Variants in CD109 observed in about 807,000 individuals in gnomAD.
The protein encoded by CD109 is CD109 antigen.
A neutral mutation model predicts 165.8 loss-of-function variants in CD109; 149 were observed. The ratio of observed to expected loss-of-function variants is 0.90; its 90% CI spans 0.79 to 1.03. The LOEUF is 1.03. CD109 is among the 50% of genes least tolerant of loss of function. The pLI is 0.00. For synonymous variants in CD109, 585 were observed against 592.1 expected, an observed-to-expected ratio of 0.99 and a Z score of 0.18; for missense variants, 1,712 against 1,677.8, an observed-to-expected ratio of 1.02 and a Z score of -0.36.
intron 5 of CD109, among the ~76,000 whole-genome samples, chr6:73,752,548 T>G (rs905116281): frequency 5.3e-5 from 8 of 152,210 alleles, no homozygotes; most frequent in Non-Finnish European, 7.3e-5. Flanking sequence ...GACTCTTATT[T>G]TCTACTTCTG....
chr6:73,777,258 C>T (rs528737152), intron 15 of CD109, among the ~76,000 whole-genome samples: 1 of 148,398 alleles, frequency 6.7e-6, no homozygotes, highest in African/African-American at 2.5e-5. Context: ...CTGTGCCTGG[C>T]CCCTTTGCTG....
At chr6:73,806,731 C>T in intron 24 of CD109, 113 bp from the exon 25 acceptor site, 1 of 685,228 alleles carries the variant, frequency 1.5e-6, no homozygotes, top group Non-Finnish European at 2.4e-6. Context: ...CAGTGATTCC[C>T]CCTTTGATGA....
intron 2 of CD109, among the ~76,000 whole-genome samples, chr6:73,704,982 C>T (rs1422543314): frequency 6.6e-6 from 1 of 152,162 alleles, no homozygotes; most frequent in Non-Finnish European, 1.5e-5. Flanking sequence ...AATGTCCCAC[C>T]TCTGCTGACA....
intron 2 of CD109, 138 bp from the exon 3 acceptor site, chr6:73,723,113 A>G: frequency 6.5e-7 from 1 of 1,543,188 alleles, no homozygotes. Context: ...GGGCATTTAA[A>G]TGTCATTTTG....
In CD109 at chr6:73,700,470, A is replaced by G. The variant is rs535784005; in HGVS notation, c.247+2898A>G. On this transcript the variant is annotated intron_variant, in intron 2 of 32. Coordinates refer to ENST00000287097, the MANE Select transcript of CD109 (RefSeq NM_133493.5). Reference sequence around the variant, plus strand: ...CTAGTAAAGTTGGGTAAGGCAGTAGACTGTGTCTTAGTAGCTTATTTCCAG... The same window carrying G: ...CTAGTAAAGTTGGGTAAGGCAGTAGGCTGTGTCTTAGTAGCTTATTTCCAG... Among the ~76,000 whole-genome samples the G allele has an allele frequency of 1.5e-3, 232 of 152,238 alleles. 1 individual carries two copies. Among genetic ancestry groups the G allele is most frequent in the African/African-American group, 5.1e-3 (211 of 41,530 alleles).
chr6:73,783,492 T>A (rs1057066993), intron 18 of CD109, among the ~76,000 whole-genome samples: 1 of 152,250 alleles, frequency 6.6e-6, no homozygotes, highest in Non-Finnish European at 1.5e-5. Flanking sequence ...AGAATATGGA[T>A]CAATATGCAG....
intron 6 of CD109, among the ~76,000 whole-genome samples, chr6:73,758,703 G>A (rs942173163): frequency 2.0e-5 from 3 of 152,094 alleles, no homozygotes; most frequent in African/African-American, 7.2e-5. Context: ...ATTATATAAA[G>A]CTGACCAAAT....
chr6:73,779,592 T>A lies in CD109; in HGVS notation c.1828-832T>A, dbSNP rs190702313. 3.3e-4 allele frequency among the ~76,000 whole-genome samples: 51 copies of A among 152,256 alleles called. No homozygotes were observed. In the East Asian group the frequency reaches 8.3e-3, roughly 25 times the overall value. ...TACGGCTGAATAATATTGTGTTGTG[T>A]ATATATACCACATTTTGTTTATCCA... is the stretch of plus-strand genomic sequence containing the variant. On this transcript the variant is annotated intron_variant, in intron 15 of 32. Coordinates refer to ENST00000287097, the MANE Select transcript of CD109 (RefSeq NM_133493.5).
intron 4 of CD109, among the ~76,000 whole-genome samples, chr6:73,731,747 C>T (rs1772377293): frequency 6.6e-6 from 1 of 152,152 alleles, no homozygotes; most frequent in Non-Finnish European, 1.5e-5. Context: ...ATTTATTAAC[C>T]TTCTAGAACC....
the CD109 span, among the ~76,000 whole-genome samples, chr6:73,690,505 G>A: frequency 2.8e-4 from 43 of 152,082 alleles, 1 homozygote; most frequent in Non-Finnish European, 2.9e-5. Flanking sequence ...AGGTTCAAGA[G>A]ATTCTCCTGC....
intron 1 of CD109, 130 bp downstream of exon 1, chr6:73,696,419 T>A (rs2150141365): frequency 1.4e-6 from 1 of 698,544 alleles, no homozygotes; most frequent in Admixed American, 4.3e-5. Flanking sequence ...GCGGCTGCAG[T>A]CCCCAGCCTG....
At chr6:73,752,414 A>C (rs925909817) in intron 5 of CD109, among the ~76,000 whole-genome samples, 6 of 152,190 alleles carry the variant, frequency 3.9e-5, no homozygotes, top group Non-Finnish European at 5.9e-5. Flanking sequence ...AAGGGTGGTA[A>C]AAATAATGTG....
chr6:73,745,267 G>C (rs979708411), intron 5 of CD109, among the ~76,000 whole-genome samples: 1 of 151,982 alleles, frequency 6.6e-6, no homozygotes, highest in Non-Finnish European at 1.5e-5. Context: ...CATGGGCCTG[G>C]CTAATTTTTG....
Position 73,758,932 on chromosome 6 carries a change from T to C in CD109, c.674-12T>C. On this transcript the variant is annotated splice_polypyrimidine_tract_variant and intron_variant, in intron 6 of 32. Coordinates refer to ENST00000287097, the MANE Select transcript of CD109 (RefSeq NM_133493.5). The stretch of plus-strand genomic sequence containing the variant: ...AAAGAAAAAAAGATTTACCCTTGCT[T>C]TTCTTTTCCAGTATTACCAAAATTT... The C allele has an allele frequency of 6.7e-7, 1 of 1,490,270 alleles. No homozygotes were observed. 92.3% of individuals were successfully genotyped at this position (1,490,270 alleles called of 1,614,324 possible). A position where few individuals can be genotyped will look rare whatever the true frequency, so the allele number is the denominator to read the frequency against.
In CD109 at chr6:73,696,299, TGGGCGCGCGGG is replaced by T. The variant is rs1247449761; in HGVS notation, c.74+22_74+32del. On this transcript the variant is annotated intron_variant, in intron 1 of 32. Coordinates refer to ENST00000287097, the MANE Select transcript of CD109 (RefSeq NM_133493.5). ...TGGCCGTGGCTCCCGGGTAGGAACG[TGGGCGCGCGGG>T]GGGCGCGCGGGCGCGCGGGCCTGGG... 4.9e-5 allele frequency: 74 copies of T among 1,496,344 alleles called. No homozygotes were observed. The highest frequency in any genetic ancestry group is 2.1e-4 in the Middle Eastern group (1 of 4,784). The allele number at this position is 1,496,344 out of a possible 1,614,324, so 92.7% of individuals were successfully genotyped here.
chr6:73,710,230 C>T (rs368309062), intron 2 of CD109, among the ~76,000 whole-genome samples: 1 of 152,148 alleles, frequency 6.6e-6, no homozygotes, highest in East Asian at 1.9e-4. Flanking sequence ...AGCTGATAAG[C>T]AACTTCAGCA....
chr6:73,734,776 AC>A (rs1772485038), intron 4 of CD109, among the ~76,000 whole-genome samples: 1 of 152,216 alleles, frequency 6.6e-6, no homozygotes, highest in Admixed American at 6.5e-5. Context: ...GGCCCCACTC[AC>A]TACTTCTAGG....
chr6:73,762,197 G>A (rs912354646), intron 7 of CD109, among the ~76,000 whole-genome samples, 187 bp from the exon 8 acceptor site: 11 of 152,174 alleles, frequency 7.2e-5, no homozygotes, highest in South Asian at 4.2e-4. Flanking sequence ...TCCTGACCTC[G>A]TGATCCACCC....
At chr6:73,823,436 T>C in intron 32 of CD109, 22 bp from the exon 33 acceptor site, 4 of 1,585,362 alleles carry the variant, frequency 2.5e-6, no homozygotes, top group Non-Finnish European at 3.5e-6. Flanking sequence ...CCGTGTGAAC[T>C]GATGTCTGCT....
Sources: allele counts gnomAD v4.1 joint callset (sites outside exome capture counted in the v4.1 genomes callset), GRCh38; gene constraint gnomAD v4.1.1; transcripts MANE v1.5; gene names NCBI Gene and HGNC (gene_info 2026-07-23, HGNC 2026-07-21).